The following ZZEF1 variants were observed in gnomAD, a reference collection of about 807,000 sequenced individuals.
ZZEF1 encodes the protein zinc finger ZZ-type and EF-hand domain containing 1.
ZZEF1 carries 157 observed loss-of-function variants against 342.8 expected under a neutral mutation model. That is an observed-to-expected ratio of 0.46 (90% CI 0.40 to 0.52). ZZEF1 has a LOEUF of 0.52. ZZEF1 is among the 20% of genes least tolerant of loss of function. The pLI is 0.00. For synonymous variants in ZZEF1, 1,505 were observed against 1,429.1 expected (o/e 1.05, Z -1.20); for missense variants, 3,480 against 3,725.6 (o/e 0.93, Z 1.72).
rs527393148 is a variant in ZZEF1 at position 4,115,344 on chromosome 17, T to C, written c.695-874A>G. On this transcript the variant is annotated intron_variant, in intron 3 of 54. Coordinates refer to ENST00000381638, the MANE Select transcript of ZZEF1 (RefSeq NM_015113.4). Reference sequence around the variant, plus strand: ...GCCTGGCCATGTGCTTTTTATACTTTCCTTATGTATTAATTCATTTTAAAA... The same window carrying C: ...GCCTGGCCATGTGCTTTTTATACTTCCCTTATGTATTAATTCATTTTAAAA... Among the ~76,000 whole-genome samples the C allele has an allele frequency of 3.1e-4, 47 of 152,104 alleles. 1 individual carries two copies. The highest frequency in any genetic ancestry group is 2.0e-3 in the Admixed American group (30 of 15,258).
chr17:4,024,672 A>G (rs1256914757), intron 43 of ZZEF1, among the ~76,000 whole-genome samples: 1 of 152,224 alleles, frequency 6.6e-6, no homozygotes, highest in Non-Finnish European at 1.5e-5. Context: ...CTCGTCTGAC[A>G]AAGTTGTGTT....
intron 1 of ZZEF1, among the ~76,000 whole-genome samples, chr17:4,136,898 A>C (rs1355086783): frequency 6.6e-6 from 1 of 151,762 alleles, no homozygotes; most frequent in Non-Finnish European, 1.5e-5. Flanking sequence ...GTTGTGATGA[A>C]GCCTTTCTCA....
chr17:4,047,394 T>C (rs1008107101), intron 37 of ZZEF1, among the ~76,000 whole-genome samples: 5 of 152,120 alleles, frequency 3.3e-5, no homozygotes, highest in African/African-American at 9.7e-5. Context: ...CCTGTAATCC[T>C]AGCACTTTGG....
Position 4,059,220 on chromosome 17 carries a change from C to G in ZZEF1, c.4954G>C (p.Val1652Leu). 1 of 1,608,240 alleles carries G rather than the reference C, an allele frequency of 6.2e-7. No individual in the cohort carries two copies. Among genetic ancestry groups the G allele is most frequent in the Non-Finnish European group, 8.5e-7 (1 of 1,179,028 alleles). The stretch of plus-strand genomic sequence containing the variant: ...TTAACTGCTTTGACCAAAAACAGAA[C>G]AAGTTGATAGTAAGTGTCTCGAATT... ...KEIRDTYYQL[V>L]LFLVKAVKGF... The change falls in exon 31 of 55, where the codon GTT becomes CTT. Residue 1652 changes from valine to leucine, a missense_variant. Coordinates refer to ENST00000381638, the MANE Select transcript of ZZEF1 (RefSeq NM_015113.4).
At chr17:4,088,960 A>G in intron 12 of ZZEF1, 67 bp from the exon 13 acceptor site, 1 of 1,507,724 alleles carries the variant, frequency 6.6e-7, no homozygotes, top group Non-Finnish European at 9.0e-7. Flanking sequence ...AAAGAGGGAA[A>G]AAGGCCTTTC....
intron 52 of ZZEF1, among the ~76,000 whole-genome samples, 181 bp from the exon 53 acceptor site, chr17:4,009,938 A>G (rs781350444): frequency 3.9e-5 from 6 of 152,180 alleles, no homozygotes; most frequent in Admixed American, 2.0e-4. Flanking sequence ...ACAGCAAAGA[A>G]GGAAAGGGGC....
At chr17:4,137,343 G>A (rs2145617301) in intron 1 of ZZEF1, among the ~76,000 whole-genome samples, 1 of 152,320 alleles carries the variant, frequency 6.6e-6, no homozygotes, top group Middle Eastern at 3.4e-3. Flanking sequence ...AGGTGCGATG[G>A]CTCATGCCTG....
chr17:4,013,940 A>C, intron 51 of ZZEF1, 150 bp downstream of exon 51: 1 of 726,646 alleles, frequency 1.4e-6, no homozygotes, highest in South Asian at 1.8e-5. Flanking sequence ...TTCAGGAGTG[A>C]CAGGTGTGGG....
intron 11 of ZZEF1, among the ~76,000 whole-genome samples, chr17:4,095,326 C>T (rs2058015249): frequency 6.6e-6 from 1 of 152,224 alleles, no homozygotes; most frequent in African/African-American, 2.4e-5. Context: ...CCTTTCTCCC[C>T]TACAGCACAT....
chr17:4,023,268 A>G (rs1300587938), intron 43 of ZZEF1, among the ~76,000 whole-genome samples: 1 of 151,882 alleles, frequency 6.6e-6, no homozygotes, highest in Non-Finnish European at 1.5e-5. Flanking sequence ...GCTTTTTTTG[A>G]CCCACAGCAG....
At chr17:4,021,643 T>C (rs2056273812) in intron 44 of ZZEF1, among the ~76,000 whole-genome samples, 2 of 152,230 alleles carry the variant, frequency 1.3e-5, no homozygotes, top group Non-Finnish European at 2.9e-5. Context: ...AACTCATCTG[T>C]TACGAATAAT....
In ZZEF1 at chr17:4,014,867, G is replaced by A. The variant is rs1416284218; in HGVS notation, c.8146-352C>T. Among the ~76,000 whole-genome samples, 2 of 152,184 alleles carry A rather than the reference G, an allele frequency of 1.3e-5. No homozygotes were observed. Among genetic ancestry groups the A allele is most frequent in the East Asian group, 1.9e-4 (1 of 5,198 alleles). ...CAGACAGGGTAACAGCCCTGTGAAG[G>A]TCTAGCATGTTCAGGGAATGGCAAG... On this transcript the variant is annotated intron_variant, in intron 49 of 54. Coordinates refer to ENST00000381638, the MANE Select transcript of ZZEF1 (RefSeq NM_015113.4). The surrounding 1 kb of genome is among the most constrained non-coding windows in gnomAD (Gnocchi z 4.4).
At chr17:4,135,572 G>A (rs1243897756) in intron 1 of ZZEF1, among the ~76,000 whole-genome samples, 1 of 152,134 alleles carries the variant, frequency 6.6e-6, no homozygotes, top group East Asian at 1.9e-4. Flanking sequence ...ATGCTTCCCA[G>A]CTCATCTCCT....
intron 30 of ZZEF1, among the ~76,000 whole-genome samples, chr17:4,062,347 C>T (rs2057303747): frequency 6.6e-6 from 1 of 151,322 alleles, no homozygotes; most frequent in African/African-American, 2.4e-5. Flanking sequence ...TCTACTGCTG[C>T]ATAACACCCA....
At position 4,117,086 on chromosome 17, in the gene ZZEF1, G is replaced by A. The variant is rs758604172; in HGVS notation, c.580C>T (p.Arg194Trp). The change falls in exon 3 of 55, where the codon CGG becomes TGG. Residue 194 changes from arginine (R) to tryptophan (W), a missense_variant. Physicochemically the swap from Arg to Trp is moderately radical, Grantham distance 101. Around this residue, in one of 5 missense-constraint regions of ZZEF1, gnomAD observed 416 missense variants for 374.2 expected, o/e 1.11. Transcript: ENST00000381638. ...SMILRFLHRN[R>W]LSSAVMPYPM... ...TAGGGCATCACCGCGCTGGAGAGCC[G>A]ATTGCGGTGCAGGAAGCGCAGTATC... is the stretch of plus-strand genomic sequence containing the variant. 6.8e-6 allele frequency: 11 copies of A among 1,614,022 alleles called. No individual in the cohort carries two copies. Among genetic ancestry groups the A allele is most frequent in the Admixed American group, 1.7e-5 (1 of 60,008 alleles).
Position 4,024,952 on chromosome 17 carries a change from G to A in ZZEF1, c.7059C>T (p.Ser2353=). 1 of 1,614,154 alleles carries A rather than the reference G, an allele frequency of 6.2e-7. No individual in the cohort carries two copies. The highest frequency in any genetic ancestry group is 8.5e-7 in the Non-Finnish European group (1 of 1,180,024). ...TTTTATACAATCCTTTCAGGGCCAG[G>A]GACAGGACCCAAGTTGCTTCTACTG... The part of the protein sequence containing the change: ...PEAVEATWVL[S]LALKGLYKTL... The change falls in exon 43 of 55, where the codon TCC becomes TCT. Residue 2353 remains serine (S), a synonymous_variant. Transcript: ENST00000381638.
In ZZEF1 at chr17:4,042,456, T is replaced by C. The variant is rs1401022114; in HGVS notation, c.6279A>G (p.Leu2093=). Residue 2093 remains leucine (L), a synonymous_variant, in exon 39 of 55, where the codon CTA becomes CTG. Transcript: ENST00000381638. ...ECSQKRILGL[L]AAMLPPLKSG... ...ACTTTAAGGGAGGTAACATGGCTGC[T>C]AGTAATCCCAAAATCCTCTTCTGGG... 1.2e-6 allele frequency: 2 copies of C among 1,613,682 alleles called. No individual in the cohort carries two copies. The highest frequency in any genetic ancestry group is 8.5e-7 in the Non-Finnish European group (1 of 1,179,902).
intron 11 of ZZEF1, among the ~76,000 whole-genome samples, chr17:4,095,482 G>A (rs977916812): frequency 6.6e-6 from 1 of 152,122 alleles, no homozygotes; most frequent in Non-Finnish European, 1.5e-5. Flanking sequence ...TACTTAATAA[G>A]TATTTGTGTT....
chr17:4,009,039 A>C, intron 53 of ZZEF1, 85 bp from the exon 54 acceptor site: 1 of 1,458,594 alleles, frequency 6.9e-7, no homozygotes, highest in Non-Finnish European at 9.3e-7. Context: ...CCTGCTTGCG[A>C]AAGCAGAAGC....
Sources: allele counts gnomAD v4.1 joint callset (sites outside exome capture counted in the v4.1 genomes callset), GRCh38; gene constraint gnomAD v4.1.1; regional missense constraint gnomAD v4.1.1; non-coding constraint Gnocchi (gnomAD v3.1); transcripts MANE v1.5; gene names NCBI Gene and HGNC (gene_info 2026-07-23, HGNC 2026-07-21).